The following FAM13B variants were observed in gnomAD, a reference collection of about 807,000 sequenced individuals.
FAM13B encodes family with sequence similarity 13 member B.
A neutral mutation model predicts 117.3 loss-of-function variants in FAM13B; 60 were observed. The observed-to-expected ratio is 0.51, with a 90% confidence interval of 0.42 to 0.63. The LOEUF (loss-of-function observed/expected upper bound fraction) is 0.63, where lower values mean the gene tolerates loss of function less well. Among genes scored for constraint, FAM13B ranks in the 30% least tolerant of loss-of-function variants. FAM13B has a pLI of 0.00. For synonymous variants in FAM13B, 332 were observed against 356.1 expected, an observed-to-expected ratio of 0.93 and a Z score of 0.76; for missense variants, 972 against 1,091.9, an observed-to-expected ratio of 0.89 and a Z score of 1.55.
intron 10 of FAM13B, among the ~76,000 whole-genome samples, chr5:137,982,325 G>A (rs1775993937): frequency 1.3e-5 from 2 of 152,190 alleles, no homozygotes; most frequent in Admixed American, 1.3e-4. Context: ...GGCCACGGCA[G>A]GCAGATCACC....
At chr5:138,009,766 T>C (rs1198911689) in intron 6 of FAM13B, among the ~76,000 whole-genome samples, 3 of 142,104 alleles carry the variant, frequency 2.1e-5, no homozygotes, top group South Asian at 2.3e-4. Context: ...GATCACACCA[T>C]TGCACTCCAG....
chr5:137,983,150 G>T (rs902308838), intron 10 of FAM13B, among the ~76,000 whole-genome samples: 1 of 121,998 alleles, frequency 8.2e-6, no homozygotes, highest in Non-Finnish European at 1.6e-5. Flanking sequence ...CAGCAGAGGG[G>T]AATGAGAAAG....
Position 138,002,840 on chromosome 5 carries a change from T to C in FAM13B, c.848+4150A>G, listed in dbSNP as rs1018401181. Among the ~76,000 whole-genome samples the C allele has an allele frequency of 6.6e-5, 10 of 150,808 alleles. 1 individual carries two copies. The highest frequency in any genetic ancestry group is 1.5e-4 in the Non-Finnish European group (10 of 67,698). On this transcript the variant is annotated intron_variant, in intron 7 of 23. Transcript: ENST00000689681. ...GCCACCACACCCGGCTAATTTTTTT[T>C]TTTTTTTGTATTTTTAGTAGAGACG... is the stretch of plus-strand genomic sequence containing the variant.
chr5:137,993,232 T>C (rs1014324832), intron 7 of FAM13B, among the ~76,000 whole-genome samples: 3 of 152,202 alleles, frequency 2.0e-5, no homozygotes, highest in Admixed American at 6.5e-5. Flanking sequence ...TGGGGTGCTG[T>C]CAGTTTATTC....
At chr5:137,985,481 AC>A (rs1445275891) in intron 9 of FAM13B, 92 bp from the exon 10 acceptor site, 12 of 1,258,038 alleles carry the variant, frequency 9.5e-6, no homozygotes, top group Non-Finnish European at 1.3e-5. Flanking sequence ...ATGATCTGAA[AC>A]TTTTACTTGT....
In FAM13B at chr5:137,952,586, T is replaced by A. The variant is rs772377189; in HGVS notation, c.1930+42A>T. 27 of 1,339,270 alleles carry A rather than the reference T, an allele frequency of 2.0e-5. 1 individual carries two copies. Among genetic ancestry groups the A allele is most frequent in the South Asian group, 1.6e-4 (12 of 75,228 alleles). The allele number at this position is 1,339,270 out of a possible 1,614,324, so 83.0% of individuals were successfully genotyped here. On this transcript the variant is annotated intron_variant, in intron 17 of 23. Coordinates refer to ENST00000689681, the MANE Select transcript of FAM13B (RefSeq NM_001385994.1). ...ATTCTCAGACATTAATATAAAAAAA[T>A]TTTTAAAATGCAAATATATTACAAA...
intron 1 of FAM13B, among the ~76,000 whole-genome samples, chr5:138,029,272 C>T (rs1285571382): frequency 1.3e-5 from 2 of 152,206 alleles, no homozygotes; most frequent in African/African-American, 4.8e-5. Context: ...TCTAAGTCTA[C>T]TATCTTACAA....
intron 6 of FAM13B, among the ~76,000 whole-genome samples, chr5:138,010,673 C>T (rs1379655202): frequency 6.6e-6 from 1 of 152,070 alleles, no homozygotes; most frequent in Non-Finnish European, 1.5e-5. Flanking sequence ...TTTCTCACCC[C>T]TTGCCTATAT....
At chr5:137,978,544 G>C (rs559439139) in intron 10 of FAM13B, among the ~76,000 whole-genome samples, 1 of 150,400 alleles carries the variant, frequency 6.6e-6, no homozygotes, top group South Asian at 2.1e-4. Flanking sequence ...AACCACCCTA[G>C]CAAGCAAATA....
At chr5:137,968,627 G>A (rs900040262) in intron 10 of FAM13B, among the ~76,000 whole-genome samples, 10 of 152,200 alleles carry the variant, frequency 6.6e-5, no homozygotes, top group South Asian at 2.1e-4. Flanking sequence ...GAATAGGAAC[G>A]GCTCTGGTCT....
At chr5:137,946,138 A>G in intron 19 of FAM13B, 90 bp downstream of exon 19, 1 of 1,323,066 alleles carries the variant, frequency 7.6e-7, no homozygotes. Context: ...TAATGCTCAA[A>G]AAACAGCCCT....
chr5:137,981,119 C>T (rs1272116803), intron 10 of FAM13B, among the ~76,000 whole-genome samples: 1 of 114,582 alleles, frequency 8.7e-6, no homozygotes, highest in African/African-American at 3.5e-5. Flanking sequence ...CATTTTTGTA[C>T]AGATGGGTTC....
At chr5:137,968,454 A>AG (rs1770821783) in intron 10 of FAM13B, among the ~76,000 whole-genome samples, 1 of 151,894 alleles carries the variant, frequency 6.6e-6, no homozygotes, top group Non-Finnish European at 1.5e-5. Flanking sequence ...AAAAAAAAAA[A>AG]AAAATTCTTA....
At chr5:137,981,735 G>C (rs1423998849) in intron 10 of FAM13B, among the ~76,000 whole-genome samples, 1 of 150,720 alleles carries the variant, frequency 6.6e-6, no homozygotes, top group African/African-American at 2.4e-5. Context: ...GTACTGTGCC[G>C]AGACTGTGCC....
At position 137,942,420 on chromosome 5, in the gene FAM13B, C is replaced by T. The variant is rs748649615; in HGVS notation, c.2589-375G>A. 3.0e-4 allele frequency: 67 copies of T among 226,582 alleles called. 1 individual carries two copies. Among genetic ancestry groups the T allele is most frequent in the Middle Eastern group, 1.7e-3 (1 of 606 alleles). 14.0% of individuals were successfully genotyped at this position (226,582 alleles called of 1,614,324 possible). On this transcript the variant is annotated intron_variant, in intron 22 of 23. Coordinates refer to ENST00000689681, the MANE Select transcript of FAM13B (RefSeq NM_001385994.1). ...CACTCTGTCGCCCAGGCTGGAACAG[C>T]GGTGCGACAGTGGCCTCAACATCCT... is the stretch of plus-strand genomic sequence containing the variant.
chr5:137,980,271 C>T lies in FAM13B; in HGVS notation c.1179+4986G>A, dbSNP rs1006190233. The stretch of plus-strand genomic sequence containing the variant: ...ATTGTGTATTGCCCAACTGAACTAA[C>T]TTATTCAAATAATAAGAGTATCACT... On this transcript the variant is annotated intron_variant, in intron 10 of 23. Transcript: ENST00000689681. 3.3e-5 allele frequency among the ~76,000 whole-genome samples: 5 copies of T among 151,710 alleles called. No homozygotes were observed. In the South Asian group the frequency reaches 1.0e-3, roughly 32 times the overall value.
intron 9 of FAM13B, among the ~76,000 whole-genome samples, chr5:137,985,875 T>C (rs1434277523): frequency 6.6e-6 from 1 of 152,188 alleles, no homozygotes; most frequent in African/African-American, 2.4e-5. Context: ...CAATAGAACA[T>C]GTGTTCCCCA....
intron 10 of FAM13B, among the ~76,000 whole-genome samples, chr5:137,980,194 A>G (rs1354792821): frequency 1.3e-5 from 2 of 151,606 alleles, no homozygotes; most frequent in Non-Finnish European, 2.9e-5. Context: ...AAAAAAAGAA[A>G]GAAAACTTAA....
chr5:138,017,806 T>C (rs978199514), intron 4 of FAM13B, among the ~76,000 whole-genome samples: 18 of 152,238 alleles, frequency 1.2e-4, no homozygotes, highest in Non-Finnish European at 1.6e-4. Context: ...TTCAATTTGA[T>C]ATTCATTTCC....
Sources: gnomAD v4.1 joint callset for allele counts (sites outside exome capture counted in the v4.1 genomes callset) on GRCh38, gnomAD v4.1.1 for gene constraint, MANE v1.5 for transcripts, NCBI Gene and HGNC (gene_info 2026-07-23, HGNC 2026-07-21) for gene names.